Variants in BRI3BP observed in about 807,000 individuals in gnomAD.
The protein encoded by BRI3BP is BRI3 binding protein.
BRI3BP carries 7 observed loss-of-function variants against 15.8 expected under a neutral mutation model. The ratio of observed to expected loss-of-function variants is 0.44; its 90% CI spans 0.25 to 0.83. The LOEUF (loss-of-function observed/expected upper bound fraction) is 0.83. Among genes scored for constraint, BRI3BP ranks in the 40% least tolerant of loss-of-function variants. The probability of loss-of-function intolerance (pLI) is 0.20; values close to 1 mark genes in which losing one functional copy is unlikely to be tolerated. For missense variants in BRI3BP, 320 were observed against 339.3 expected, an observed-to-expected ratio of 0.94 and a Z score of 0.45; for synonymous variants, 192 against 163.5, an observed-to-expected ratio of 1.17 and a Z score of -1.33.
At position 125,030,245 on chromosome 12, in the gene BRI3BP, A is replaced by G. The variant is rs1182659546; in HGVS notation, c.*4815A>G. ...ACCAAAAAGCCAGCTCTTGCCATCT[A>G]TCTTGCATTAAAAGGAATTCCTGAG... On this transcript the variant is annotated 3_prime_UTR_variant, in exon 3 of 3. Coordinates refer to ENST00000341446, the MANE Select transcript of BRI3BP (RefSeq NM_080626.6). 6.6e-6 allele frequency: 1 copy of G among 152,200 alleles called. No individual in the cohort carries two copies. Among genetic ancestry groups the G allele is most frequent in the Non-Finnish European group, 1.5e-5 (1 of 68,040 alleles). 9.4% of individuals were successfully genotyped at this position (152,200 alleles called of 1,614,324 possible).
At chr12:125,038,110 T>C in the BRI3BP span, among the ~76,000 whole-genome samples, 1 of 151,614 alleles carries the variant, frequency 6.6e-6, no homozygotes, top group African/African-American at 2.4e-5. Flanking sequence ...CTGGGCAACA[T>C]ACCAAAAATA....
downstream of BRI3BP, among the ~76,000 whole-genome samples, chr12:125,034,049 GT>G (rs1311317029): frequency 1.5e-5 from 2 of 132,478 alleles, no homozygotes; most frequent in South Asian, 4.9e-4. Flanking sequence ...GGCTGTTTTT[GT>G]TTTGTTTTGG....
At chr12:125,005,549 A>C (rs1299778668) in intron 1 of BRI3BP, among the ~76,000 whole-genome samples, 1 of 152,010 alleles carries the variant, frequency 6.6e-6, no homozygotes. Flanking sequence ...CGGGCAGATC[A>C]CTTGAGGTCA....
At chr12:124,994,135 C>G in intron 1 of BRI3BP, 132 bp downstream of exon 1, 1 of 591,106 alleles carries the variant, frequency 1.7e-6, no homozygotes, top group Non-Finnish European at 2.2e-6. Context: ...GGGGTCCGGC[C>G]TGCGCCTCGG....
At chr12:125,048,550 T>C in the BRI3BP span, among the ~76,000 whole-genome samples, 1 of 128,242 alleles carries the variant, frequency 7.8e-6, no homozygotes, top group East Asian at 2.3e-4. Flanking sequence ...GGGACTGTTG[T>C]GGGGTGGGGG....
At chr12:125,001,993 C>T (rs1161945982) in intron 1 of BRI3BP, among the ~76,000 whole-genome samples, 1 of 152,158 alleles carries the variant, frequency 6.6e-6, no homozygotes, top group Non-Finnish European at 1.5e-5. Context: ...GAGTCCTGTA[C>T]AGTCTGGCCT....
Position 125,029,440 on chromosome 12 carries a change from G to A in BRI3BP, c.*4010G>A, listed in dbSNP as rs1440931459. ...CCAGCTACTCAGGAGGCTGAGGTGG[G>A]AGAATTGTATGAACCTGGGAGGCAG... On this transcript the variant is annotated 3_prime_UTR_variant, in exon 3 of 3. Coordinates refer to ENST00000341446, the MANE Select transcript of BRI3BP (RefSeq NM_080626.6). The A allele has an allele frequency of 2.7e-5, 4 of 150,410 alleles. No homozygotes were observed. Among genetic ancestry groups the A allele is most frequent in the Non-Finnish European group, 2.9e-5 (2 of 67,808 alleles). 9.3% of individuals were successfully genotyped at this position (150,410 alleles called of 1,614,324 possible).
intron 1 of BRI3BP, among the ~76,000 whole-genome samples, chr12:125,008,830 G>C (rs999736559): frequency 6.6e-6 from 1 of 152,134 alleles, no homozygotes; most frequent in Non-Finnish European, 1.5e-5. Flanking sequence ...GGAGCACTGA[G>C]CTTGTTTTCC....
intron 1 of BRI3BP, among the ~76,000 whole-genome samples, chr12:125,003,656 C>CA (rs958154142): frequency 2.6e-5 from 4 of 152,036 alleles, no homozygotes; most frequent in Non-Finnish European, 5.9e-5. Flanking sequence ...TTGTGAAAAT[C>CA]AAAACCACAA....
chr12:125,008,517 T>G (rs1955168984), intron 1 of BRI3BP, among the ~76,000 whole-genome samples: 1 of 151,948 alleles, frequency 6.6e-6, no homozygotes, highest in South Asian at 2.1e-4. Flanking sequence ...TTTCACCGTG[T>G]TAGCCAGGAT....
chr12:125,023,955 C>G (rs951929200), intron 2 of BRI3BP, among the ~76,000 whole-genome samples: 2 of 152,154 alleles, frequency 1.3e-5, no homozygotes, highest in Non-Finnish European at 2.9e-5. Context: ...CCTATAATCC[C>G]AGCTACTTGG....
chr12:125,033,159 C>CA (rs1247411550), downstream of BRI3BP, among the ~76,000 whole-genome samples: 3 of 152,144 alleles, frequency 2.0e-5, no homozygotes, highest in Admixed American at 6.5e-5. Flanking sequence ...ACAAAACAAA[C>CA]AAACAAAAAA....
At chr12:125,035,052 A>T (rs4765209), downstream of BRI3BP, among the ~76,000 whole-genome samples, 53,009 of 151,964 alleles carry the variant, frequency 0.35, 9,503 homozygotes, top group Middle Eastern at 0.43. Flanking sequence ...AGTATTCCAT[A>T]GTATGGATGT....
chr12:125,008,516 G>A (rs1955168959), intron 1 of BRI3BP, among the ~76,000 whole-genome samples: 1 of 151,824 alleles, frequency 6.6e-6, no homozygotes, highest in African/African-American at 2.4e-5. Context: ...GTTTCACCGT[G>A]TTAGCCAGGA....
At chr12:125,024,389 C>G (rs10773139) in intron 2 of BRI3BP, among the ~76,000 whole-genome samples, 72,853 of 151,664 alleles carry the variant, frequency 0.48, 19,375 homozygotes, top group African/African-American at 0.71. Flanking sequence ...GAGCACAGAG[C>G]CAGTCCATAT....
Position 125,029,625 on chromosome 12 carries a change from T to C in BRI3BP, c.*4195T>C, listed in dbSNP as rs1025010688. ...ATACCAGTCGGCATTACCCGCCCTTTGGTTTCTTTTGCTTTGGATTTCAGC... is the reference window on the plus strand; with the variant it reads ...ATACCAGTCGGCATTACCCGCCCTTCGGTTTCTTTTGCTTTGGATTTCAGC... On this transcript the variant is annotated 3_prime_UTR_variant, in exon 3 of 3. Transcript: ENST00000341446. 6.6e-6 allele frequency: 1 copy of C among 151,626 alleles called. No individual in the cohort carries two copies. Among genetic ancestry groups the C allele is most frequent in the Non-Finnish European group, 1.5e-5 (1 of 67,914 alleles). 9.4% of individuals were successfully genotyped at this position (151,626 alleles called of 1,614,324 possible). A position where few individuals can be genotyped will look rare whatever the true frequency, so the allele number is the denominator to read the frequency against.
chr12:125,047,420 G>A, the BRI3BP span, among the ~76,000 whole-genome samples: 6 of 152,002 alleles, frequency 3.9e-5, no homozygotes, highest in South Asian at 6.2e-4. Context: ...TGATCCACCC[G>A]CCTCCGCCTC....
intron 2 of BRI3BP, among the ~76,000 whole-genome samples, chr12:125,024,598 G>A (rs7302104): frequency 0.48 from 72,997 of 151,878 alleles, 19,527 homozygotes; most frequent in African/African-American, 0.71. Context: ...TCAGGAGTTC[G>A]AGACCAGCCT....
At chr12:125,020,587 T>A (rs973139637) in intron 2 of BRI3BP, among the ~76,000 whole-genome samples, 7 of 152,224 alleles carry the variant, frequency 4.6e-5, no homozygotes, top group African/African-American at 1.7e-4. Context: ...TAGCAATGTT[T>A]TTAAATTATT....
Sources: allele counts gnomAD v4.1 joint callset (sites outside exome capture counted in the v4.1 genomes callset), GRCh38; gene constraint gnomAD v4.1.1; transcripts MANE v1.5; gene names NCBI Gene and HGNC (gene_info 2026-07-23, HGNC 2026-07-21).